The following ST8SIA6 variants were observed in gnomAD, a reference collection of about 807,000 sequenced individuals.
The protein encoded by ST8SIA6 is alpha-2,8-sialyltransferase 8F.
A neutral mutation model predicts 33.6 loss-of-function variants in ST8SIA6; 39 were observed. The ratio of observed to expected loss-of-function variants is 1.16; its 90% CI spans 0.90 to 1.52. The LOEUF (loss-of-function observed/expected upper bound fraction) is 1.52, where lower values mean the gene tolerates loss of function less well. Among genes scored for constraint, ST8SIA6 ranks in the 40% most tolerant of loss-of-function variants. ST8SIA6 has a pLI of 0.00. For missense variants in ST8SIA6, 441 were observed against 443.8 expected (o/e 0.99, Z 0.06); for synonymous variants, 172 against 167.2 (o/e 1.03, Z -0.22).
intron 4 of ST8SIA6, among the ~76,000 whole-genome samples, chr10:17,340,465 C>T (rs1324635467): frequency 1.3e-5 from 2 of 152,158 alleles, no homozygotes; most frequent in Non-Finnish European, 2.9e-5. Context: ...AACAGCCAAT[C>T]GGAATTAAGC....
At chr10:17,433,492 G>A (rs1368761855) in intron 2 of ST8SIA6, among the ~76,000 whole-genome samples, 1 of 152,132 alleles carries the variant, frequency 6.6e-6, no homozygotes, top group Non-Finnish European at 1.5e-5. Context: ...AATACTTAAT[G>A]TTCATGATAG....
chr10:17,385,020 G>T (rs1850282595), intron 3 of ST8SIA6, among the ~76,000 whole-genome samples: 2 of 151,966 alleles, frequency 1.3e-5, no homozygotes, highest in African/African-American at 4.8e-5. Flanking sequence ...TTGTTTGTTT[G>T]TTTGTTTTTT....
intron 2 of ST8SIA6, among the ~76,000 whole-genome samples, chr10:17,417,556 C>T (rs1366705632): frequency 6.6e-6 from 1 of 151,854 alleles, no homozygotes; most frequent in Non-Finnish European, 1.5e-5. Context: ...CCACTTAGCA[C>T]AGTGAGCTCC....
chr10:17,328,742 C>T (rs1412933279), intron 5 of ST8SIA6, among the ~76,000 whole-genome samples: 7 of 152,186 alleles, frequency 4.6e-5, no homozygotes, highest in Admixed American at 4.6e-4. Flanking sequence ...CTAGGTGGCT[C>T]TGTGAATAAA....
chr10:17,350,612 G>A (rs1378246550), intron 4 of ST8SIA6, among the ~76,000 whole-genome samples: 1 of 150,724 alleles, frequency 6.6e-6, no homozygotes, highest in Non-Finnish European at 1.5e-5. Flanking sequence ...AGCCCCAATA[G>A]ATTGGAGGAA....
chr10:17,453,366 C>T (rs1588942804), intron 2 of ST8SIA6, among the ~76,000 whole-genome samples, 193 bp downstream of exon 2: 1 of 152,134 alleles, frequency 6.6e-6, no homozygotes, highest in Non-Finnish European at 1.5e-5. Flanking sequence ...CACATCCAGG[C>T]TTAGAGGGTT....
chr10:17,380,935 G>C (rs528978998), intron 3 of ST8SIA6, among the ~76,000 whole-genome samples: 6 of 151,992 alleles, frequency 3.9e-5, no homozygotes, highest in African/African-American at 1.4e-4. Flanking sequence ...GTGTGTGTTT[G>C]TGTGTATGTG....
chr10:17,373,035 A>T (rs1849785607), intron 3 of ST8SIA6, among the ~76,000 whole-genome samples: 1 of 152,080 alleles, frequency 6.6e-6, no homozygotes, highest in South Asian at 2.1e-4. Flanking sequence ...GGCATCCAGC[A>T]TGGCAACTCC....
At chr10:17,322,943 C>CA in intron 7 of ST8SIA6, 122 bp downstream of exon 7, 1 of 833,854 alleles carries the variant, frequency 1.2e-6, no homozygotes, top group East Asian at 2.8e-5. Flanking sequence ...TATATTTTTC[C>CA]AAAAACTCAT....
At chr10:17,420,195 C>T (rs535343046) in intron 2 of ST8SIA6, among the ~76,000 whole-genome samples, 4 of 152,308 alleles carry the variant, frequency 2.6e-5, no homozygotes, top group Admixed American at 6.5e-5. Flanking sequence ...GGGCGGATCA[C>T]GAGGTCAGGA....
intron 2 of ST8SIA6, among the ~76,000 whole-genome samples, chr10:17,390,870 T>A (rs1270819009): frequency 2.0e-5 from 3 of 151,836 alleles, no homozygotes; most frequent in Non-Finnish European, 4.4e-5. Flanking sequence ...CCTTTTTTTT[T>A]TTTTTGAGAT....
In ST8SIA6 at chr10:17,453,624, G is replaced by C. The variant is rs369560766; in HGVS notation, c.135C>G (p.His45Gln). ...ILVEESREAT[H>Q]GTPAALRTLR... Reference sequence around the variant, plus strand: ...GCGTCCTCAGCGCTGCGGGGGTGCCGTGGGTGGCCTCCCTGCTTTCCTCCA... The same window carrying C: ...GCGTCCTCAGCGCTGCGGGGGTGCCCTGGGTGGCCTCCCTGCTTTCCTCCA... The change falls in exon 2 of 8, where the codon CAC (histidine) becomes CAG (glutamine). Residue 45 changes from histidine (H) to glutamine (Q), a missense_variant. Transcript: ENST00000377602. The C allele has an allele frequency of 2.4e-5, 32 of 1,326,048 alleles. No individual in the cohort carries two copies. The highest frequency in any genetic ancestry group is 3.0e-5 in the Non-Finnish European group (31 of 1,030,336). The allele number at this position is 1,326,048 out of a possible 1,614,324, so 82.1% of individuals were successfully genotyped here.
intron 4 of ST8SIA6, among the ~76,000 whole-genome samples, chr10:17,349,209 T>A (rs976407290): frequency 9.2e-5 from 14 of 152,182 alleles, no homozygotes; most frequent in African/African-American, 3.4e-4. Context: ...GAAGAGTTGG[T>A]CCTTACCAAG....
chr10:17,323,103 T>A lies in ST8SIA6; in HGVS notation c.690A>T (p.Thr230=), dbSNP rs780955220. ...TGCTTGGATTTATAGTCACAAGATT[T>A]GTTTTACTGCCAACATCTTTACTAA... ...GDVSKDVGSK[T]NLVTINPSII... Residue 230 remains threonine (T), a synonymous_variant, in exon 7 of 8, where the codon ACA becomes ACT. Transcript: ENST00000377602. 9 of 1,613,864 alleles carry A rather than the reference T, an allele frequency of 5.6e-6. No individual in the cohort carries two copies. The highest frequency in any genetic ancestry group is 7.6e-6 in the Non-Finnish European group (9 of 1,179,844).
At chr10:17,390,821 C>A (rs1179707787) in intron 2 of ST8SIA6, among the ~76,000 whole-genome samples, 3 of 133,314 alleles carry the variant, frequency 2.3e-5, no homozygotes, top group Non-Finnish European at 3.1e-5. Context: ...AAAAAACTTA[C>A]GCTGTAAAGT....
intron 7 of ST8SIA6, 136 bp downstream of exon 7, chr10:17,322,929 C>G (rs1479363610): frequency 5.9e-6 from 4 of 672,520 alleles, no homozygotes; most frequent in African/African-American, 1.8e-5. Flanking sequence ...CAAATGAATT[C>G]TTATATATTT....
At chr10:17,433,404 T>C (rs370781471) in intron 2 of ST8SIA6, among the ~76,000 whole-genome samples, 214 of 152,318 alleles carry the variant, frequency 1.4e-3, no homozygotes, top group African/African-American at 4.5e-3. Flanking sequence ...TATCCAACCG[T>C]TGGTAATCAC....
intron 4 of ST8SIA6, among the ~76,000 whole-genome samples, chr10:17,356,086 T>C (rs1849179958): frequency 2.0e-5 from 3 of 152,244 alleles, no homozygotes; most frequent in African/African-American, 7.2e-5. Flanking sequence ...TTCATACTTA[T>C]ATTTCTTGTC....
chr10:17,326,949 ACTATCCCCCTCT>A, intron 6 of ST8SIA6, 53 bp downstream of exon 6: 1 of 1,126,516 alleles, frequency 8.9e-7, no homozygotes. Context: ...ATATCTTTAC[ACTATCCCCCTCT>A]GAAATACCCA....
Sources: allele counts gnomAD v4.1 joint callset (sites outside exome capture counted in the v4.1 genomes callset), GRCh38; gene constraint gnomAD v4.1.1; transcripts MANE v1.5; gene names NCBI Gene and HGNC (gene_info 2026-07-23, HGNC 2026-07-21).